The following USH2A variants were observed in gnomAD, a reference collection of about 807,000 sequenced individuals.
USH2A encodes the protein Usher syndrome 2A (autosomal recessive, mild).
Under a neutral mutation model 538.9 loss-of-function variants are expected in USH2A, and 443 were observed. The observed-to-expected ratio is 0.82, with a 90% confidence interval of 0.76 to 0.89. The LOEUF (loss-of-function observed/expected upper bound fraction) is 0.89. USH2A is among the 40% of genes least tolerant of loss of function. The probability of loss-of-function intolerance (pLI) is 0.00; values close to 1 mark genes in which losing one functional copy is unlikely to be tolerated. For missense variants in USH2A, 6,633 were observed against 6,324.8 expected, an observed-to-expected ratio of 1.05 and a Z score of -1.65; for synonymous variants, 2,413 against 2,273.5, an observed-to-expected ratio of 1.06 and a Z score of -1.75.
At chr1:216,386,357 C>T (rs1007122766) in intron 3 of USH2A, among the ~76,000 whole-genome samples, 5 of 149,760 alleles carry the variant, frequency 3.3e-5, no homozygotes, top group African/African-American at 9.9e-5. Context: ...ATTTGCTGGT[C>T]GTGGTGGCGG....
At chr1:215,818,414 T>TC (rs1662919714) in intron 47 of USH2A, among the ~76,000 whole-genome samples, 1 of 151,912 alleles carries the variant, frequency 6.6e-6, no homozygotes, top group Non-Finnish European at 1.5e-5. Flanking sequence ...CTTTTTTTTT[T>TC]CAATAACTCT....
In USH2A at chr1:215,772,399, G is replaced by C. The variant is rs139107540; in HGVS notation, c.10940-5611C>G. 1.3e-3 allele frequency among the ~76,000 whole-genome samples: 195 copies of C among 152,264 alleles called. 4 individuals carry two copies. In the East Asian group the frequency reaches 0.034, roughly 27 times the overall value. ...AGGCAAACACATGGAGAAAAGCCAA[G>C]TATTTAACATTTCAGTATAGTGAAG... On this transcript the variant is annotated intron_variant, in intron 55 of 71. Transcript: ENST00000307340.
At chr1:216,080,718 A>C (rs184243879) in intron 26 of USH2A, among the ~76,000 whole-genome samples, 1 of 151,464 alleles carries the variant, frequency 6.6e-6, no homozygotes, top group Admixed American at 6.6e-5. Context: ...CAAAGAGGGG[A>C]GACTGTAGAA....
chr1:216,102,466 G>A (rs1571962240), intron 21 of USH2A, among the ~76,000 whole-genome samples: 2 of 151,708 alleles, frequency 1.3e-5, no homozygotes, highest in Non-Finnish European at 2.9e-5. Flanking sequence ...CTACTAGTTG[G>A]AGCGTACAAC....
At chr1:215,854,295 C>A (rs1460354777) in intron 44 of USH2A, among the ~76,000 whole-genome samples, 5 of 152,070 alleles carry the variant, frequency 3.3e-5, no homozygotes, top group Admixed American at 1.3e-4. Context: ...AAAGACCCAC[C>A]CTATGATTCA....
intron 30 of USH2A, among the ~76,000 whole-genome samples, chr1:216,050,381 G>C (rs1370421108): frequency 3.9e-5 from 6 of 151,992 alleles, no homozygotes; most frequent in African/African-American, 1.4e-4. Flanking sequence ...ATGTGAGATG[G>C]GGATAATATA....
chr1:215,889,835 C>G (rs1265945468), intron 40 of USH2A, among the ~76,000 whole-genome samples: 1 of 152,144 alleles, frequency 6.6e-6, no homozygotes, highest in Non-Finnish European at 1.5e-5. Flanking sequence ...AGAGAAATTC[C>G]TTAATTGTAA....
chr1:216,146,305 T>C (rs1390264343), intron 21 of USH2A, among the ~76,000 whole-genome samples: 1 of 152,206 alleles, frequency 6.6e-6, no homozygotes, highest in Non-Finnish European at 1.5e-5. Flanking sequence ...TCTCTTAATT[T>C]CAATTCCTTT....
At chr1:215,820,883 C>T (rs984874837) in intron 47 of USH2A, among the ~76,000 whole-genome samples, 4 of 151,648 alleles carry the variant, frequency 2.6e-5, no homozygotes, top group African/African-American at 7.3e-5. Context: ...ACATAATGAC[C>T]TCCAGTTCCA....
At chr1:216,153,773 A>G (rs1215314552) in intron 21 of USH2A, among the ~76,000 whole-genome samples, 2 of 152,242 alleles carry the variant, frequency 1.3e-5, no homozygotes, top group Non-Finnish European at 2.9e-5. Flanking sequence ...AGGCTTTAAC[A>G]GCTCTGTAAA....
At chr1:215,946,635 C>T (rs1315348303) in intron 37 of USH2A, among the ~76,000 whole-genome samples, 1 of 152,198 alleles carries the variant, frequency 6.6e-6, no homozygotes, top group African/African-American at 2.4e-5. Flanking sequence ...TCTGTGTTAA[C>T]ATCTTATACA....
rs2035132400 is a variant in USH2A at position 216,207,203 on chromosome 1, A to G, written c.3316+70T>C. 4.4e-6 allele frequency: 7 copies of G among 1,584,798 alleles called. 1 individual carries two copies. Among genetic ancestry groups the G allele is most frequent in the South Asian group, 3.3e-5 (3 of 89,910 alleles). On this transcript the variant is annotated intron_variant, in intron 16 of 71. Coordinates refer to ENST00000307340, the MANE Select transcript of USH2A (RefSeq NM_206933.4). ...GAAACCACAACAGCATTTATCCTCA[A>G]TGTCAAAGAACTTAACTAATGTGTC...
chr1:216,363,800 CGTT>C (rs1558055341), intron 4 of USH2A, among the ~76,000 whole-genome samples: 1 of 151,642 alleles, frequency 6.6e-6, no homozygotes, highest in Non-Finnish European at 1.5e-5. Context: ...TGACATGAAA[CGTT>C]GTTTATAACA....
At position 215,634,544 on chromosome 1, in the gene USH2A, G is replaced by A. The variant is rs556353178; in HGVS notation, c.15212C>T (p.Pro5071Leu). The A allele has an allele frequency of 6.2e-7, 1 of 1,614,148 alleles. No individual in the cohort carries two copies. Among genetic ancestry groups the A allele is most frequent in the East Asian group, 2.2e-5 (1 of 44,880 alleles). Residue 5071 changes from proline (P) to leucine (L), a missense_variant, in exon 70 of 72, where the codon CCA (proline) becomes CTA (leucine). Transcript: ENST00000307340. ...CAAGGGAGGTCTTTCTCTGATATAT[G>A]GCTCTTTGTGGATTTTTCTTTGTAG... ...LILQRKIHKEPYIRERPPLVP... is the reference protein window; with the variant it reads ...LILQRKIHKELYIRERPPLVP...
intron 47 of USH2A, among the ~76,000 whole-genome samples, chr1:215,837,614 C>T (rs1663568301): frequency 6.6e-6 from 1 of 152,064 alleles, no homozygotes; most frequent in Non-Finnish European, 1.5e-5. Context: ...CTTTAGGGCA[C>T]TCTGATGTAT....
intron 61 of USH2A, among the ~76,000 whole-genome samples, chr1:215,717,077 C>T (rs1357854935): frequency 1.3e-5 from 2 of 152,034 alleles, no homozygotes; most frequent in Non-Finnish European, 2.9e-5. Context: ...AAACAGAGAC[C>T]CAAAGACTTT....
At chr1:216,083,627 C>G (rs766700981) in intron 25 of USH2A, 41 bp from the exon 26 acceptor site, 8 of 1,600,886 alleles carry the variant, frequency 5.0e-6, no homozygotes, top group Non-Finnish European at 6.0e-6. Flanking sequence ...ATGTGTAACA[C>G]AATATTGCCA....
chr1:215,747,920 T>C lies in USH2A; in HGVS notation c.11390-4585A>G, dbSNP rs1385125329. On this transcript the variant is annotated intron_variant, in intron 58 of 71. Coordinates refer to ENST00000307340, the MANE Select transcript of USH2A (RefSeq NM_206933.4). ...TTTTTTTTGAGACGGAGTCTCGCTC[T>C]GTCGCCCAGGCCGGACTGCGGACTG... Among the ~76,000 whole-genome samples, 4 of 150,674 alleles carry C rather than the reference T, an allele frequency of 2.7e-5. No homozygotes were observed. In the East Asian group the frequency reaches 5.8e-4, roughly 22 times the overall value.
Position 215,970,774 on chromosome 1 carries a change from C to T in USH2A, c.6808G>A (p.Val2270Ile). 2 of 1,613,308 alleles carry T rather than the reference C, an allele frequency of 1.2e-6. No individual in the cohort carries two copies. The highest frequency in any genetic ancestry group is 1.7e-6 in the Non-Finnish European group (2 of 1,179,474). ...AGATATAATCCATAACTCGTGATAA[C>T]ACCTGGGAAGATAATAATTGCCTTT... ...SWTEPEYPNG[V>I]ITSYGLYLDG... The change falls in exon 36 of 72, where the codon GTT becomes ATT. Residue 2270 changes from valine to isoleucine, a missense_variant and splice_region_variant. Transcript: ENST00000307340.
Sources: allele counts gnomAD v4.1 joint callset (sites outside exome capture counted in the v4.1 genomes callset), GRCh38; gene constraint gnomAD v4.1.1; transcripts MANE v1.5; gene names NCBI Gene and HGNC (gene_info 2026-07-23, HGNC 2026-07-21).